TMEM74: variants seen among roughly 807,000 people sequenced by gnomAD.
TMEM74 encodes transmembrane protein 74.
In TMEM74, 13 loss-of-function variants were observed where a neutral mutation model predicts 18.1. The observed-to-expected ratio is 0.72, with a 90% CI of 0.47 to 1.14. The LOEUF (loss-of-function observed/expected upper bound fraction) is 1.14. TMEM74 is among the 50% of genes most tolerant of loss of function. TMEM74 has a pLI of 0.00. For missense variants in TMEM74, 372 were observed against 375.9 expected, an observed-to-expected ratio of 0.99 and a Z score of 0.09; for synonymous variants, 159 against 146.6, an observed-to-expected ratio of 1.08 and a Z score of -0.61.
chr8:108,640,792 T>C (rs1288438073), intron 2 of TMEM74, among the ~76,000 whole-genome samples: 1 of 152,182 alleles, frequency 6.6e-6, no homozygotes, highest in Non-Finnish European at 1.5e-5. Flanking sequence ...CTTTCATCAG[T>C]TAGCATCAGG....
intron 1 of TMEM74, among the ~76,000 whole-genome samples, chr8:108,679,164 T>A (rs1242178830): frequency 2.0e-5 from 3 of 152,154 alleles, no homozygotes; most frequent in Admixed American, 6.5e-5. Flanking sequence ...ACATTTGGGT[T>A]GGTTCCAAGT....
chr8:108,621,451 G>T (rs1324494710), intron 2 of TMEM74, among the ~76,000 whole-genome samples: 1 of 152,146 alleles, frequency 6.6e-6, no homozygotes, highest in Admixed American at 6.6e-5. Context: ...ACGCCCTCGG[G>T]CAAGGTCTAG....
chr8:108,614,091 CT>C (rs1265925482), intron 2 of TMEM74, among the ~76,000 whole-genome samples: 1 of 137,366 alleles, frequency 7.3e-6, no homozygotes, highest in Non-Finnish European at 1.6e-5. Flanking sequence ...CTGAAATAAT[CT>C]TTAATAAGAC....
chr8:108,730,370 C>T (rs1813681112), intron 1 of TMEM74, among the ~76,000 whole-genome samples: 2 of 152,100 alleles, frequency 1.3e-5, no homozygotes. Context: ...TAAACAGTAG[C>T]AATTTGTTAT....
chr8:108,614,457 G>A (rs763085696), intron 2 of TMEM74, among the ~76,000 whole-genome samples: 4 of 152,200 alleles, frequency 2.6e-5, no homozygotes, highest in Non-Finnish European at 2.9e-5. Context: ...AACAAGACTC[G>A]CAAAGACAAG....
intron 1 of TMEM74, among the ~76,000 whole-genome samples, chr8:108,732,057 C>T (rs1029460137): frequency 1.3e-5 from 2 of 152,194 alleles, no homozygotes; most frequent in Admixed American, 1.3e-4. Context: ...CCCTCCCATT[C>T]TCAATTCCTG....
rs201411077 is a variant in TMEM74 at position 108,756,600 on chromosome 8, A to G, written n.119+30876T>C. On this transcript the variant is annotated intron_variant and non_coding_transcript_variant, in intron 1 of 3. Transcript: ENST00000518838. ...AGAAAGAAAGAAAGAAAGAAAGAGA[A>G]AGGAAGGAAGGAAGGAAGGAAGGAA... Among the ~76,000 whole-genome samples, 122 of 40,694 alleles carry G rather than the reference A, an allele frequency of 3.0e-3. 1 individual carries two copies. The highest frequency in any genetic ancestry group is 8.5e-3 in the African/African-American group (59 of 6,978). 26.7% of individuals were successfully genotyped at this position (40,694 alleles called of 152,430 possible).
chr8:108,650,118 G>T (rs1289452731), intron 2 of TMEM74, among the ~76,000 whole-genome samples: 3 of 152,166 alleles, frequency 2.0e-5, no homozygotes, highest in African/African-American at 7.2e-5. Context: ...CATCTCTACT[G>T]GGTATCCAAT....
chr8:108,778,760 C>T (rs1323419758), downstream of TMEM74, among the ~76,000 whole-genome samples: 1 of 152,136 alleles, frequency 6.6e-6, no homozygotes, highest in Non-Finnish European at 1.5e-5. Flanking sequence ...TAATTTGATA[C>T]TTGTTTCTCA....
intron 1 of TMEM74, among the ~76,000 whole-genome samples, chr8:108,785,949 C>T (rs1193546145): frequency 1.3e-5 from 2 of 152,158 alleles, no homozygotes; most frequent in African/African-American, 4.8e-5. Context: ...ATGGGCCAAC[C>T]CACTCCTCCA....
chr8:108,766,568 T>A lies in TMEM74; in HGVS notation n.119+20908A>T, dbSNP rs554242655. Among the ~76,000 whole-genome samples the A allele has an allele frequency of 6.9e-4, 105 of 152,282 alleles. No individual in the cohort carries two copies. In the Middle Eastern group the frequency reaches 0.02, roughly 30 times the overall value. Reference sequence around the variant, plus strand: ...AAATGTGCCTCCAAAACTTTCACAATAGAGCCTCAACTCTTCTCCCATAGG... The same window carrying A: ...AAATGTGCCTCCAAAACTTTCACAAAAGAGCCTCAACTCTTCTCCCATAGG... On this transcript the variant is annotated intron_variant and non_coding_transcript_variant, in intron 1 of 3. Coordinates refer to the TMEM74 transcript ENST00000518838.
intron 1 of TMEM74, among the ~76,000 whole-genome samples, chr8:108,717,942 GTTTTTTTTTTTTTTTTTTT>G (rs869263977): frequency 2.0e-4 from 9 of 45,924 alleles, no homozygotes; most frequent in Admixed American, 1.6e-3. Context: ...TCTGACTTAG[GTTTTTTTTTTTTTTTTTTT>G]TTTTTTTTTT....
At chr8:108,607,894 T>C (rs1446003326) in intron 3 of TMEM74, 2 of 152,228 alleles carry the variant, frequency 1.3e-5, no homozygotes. Context: ...TAAAATATTC[T>C]AGTTCTATCG....
intron 1 of TMEM74, among the ~76,000 whole-genome samples, chr8:108,744,430 A>C (rs915151766): frequency 6.6e-6 from 1 of 152,188 alleles, no homozygotes; most frequent in Non-Finnish European, 1.5e-5. Flanking sequence ...TGTTTTTACT[A>C]AGAGATTTTT....
At chr8:108,773,939 A>G (rs140659534) in intron 1 of TMEM74, among the ~76,000 whole-genome samples, 1 of 152,320 alleles carries the variant, frequency 6.6e-6, no homozygotes, top group African/African-American at 2.4e-5. Context: ...CTGTGTGATA[A>G]TAAAAGTTTA....
intron 1 of TMEM74, among the ~76,000 whole-genome samples, chr8:108,745,519 T>G (rs143153348): frequency 7.9e-5 from 12 of 152,314 alleles, no homozygotes; most frequent in African/African-American, 2.9e-4. Flanking sequence ...AAACAGGTGC[T>G]GGGCTGGATT....
intron 1 of TMEM74, among the ~76,000 whole-genome samples, chr8:108,669,147 G>A (rs2039843710): frequency 6.6e-6 from 1 of 152,164 alleles, no homozygotes; most frequent in South Asian, 2.1e-4. Flanking sequence ...GCAATACTTA[G>A]GGGACTTATA....
intron 1 of TMEM74, among the ~76,000 whole-genome samples, chr8:108,753,490 A>G (rs952570547): frequency 6.6e-6 from 1 of 152,142 alleles, no homozygotes; most frequent in African/African-American, 2.4e-5. Context: ...AAAGGAGGCT[A>G]TGTGCCCTTT....
intron 1 of TMEM74, among the ~76,000 whole-genome samples, chr8:108,734,484 A>T (rs1813726110): frequency 6.6e-6 from 1 of 152,066 alleles, no homozygotes; most frequent in South Asian, 2.1e-4. Flanking sequence ...TATACCTCTC[A>T]TTCATGTCAT....
Sources: allele counts gnomAD v4.1 joint callset (sites outside exome capture counted in the v4.1 genomes callset), GRCh38; gene constraint gnomAD v4.1.1; transcripts MANE v1.5; gene names NCBI Gene and HGNC (gene_info 2026-07-23, HGNC 2026-07-21).